Variants in PIERCE2 observed in about 807,000 individuals in gnomAD.
The protein encoded by PIERCE2 is piercer of microtubule wall 2 protein.
the PIERCE2 span, among the ~76,000 whole-genome samples, chr15:55,415,936 C>G: frequency 6.6e-6 from 1 of 152,120 alleles, no homozygotes; most frequent in Admixed American, 6.6e-5. Flanking sequence ...TAACTTCCAT[C>G]TAAATCAGTA....
the PIERCE2 span, among the ~76,000 whole-genome samples, chr15:55,412,334 C>T: frequency 8.5e-5 from 13 of 152,182 alleles, no homozygotes; most frequent in Non-Finnish European, 1.0e-4. Context: ...TTATGATTCT[C>T]ATTAAAATAA....
the PIERCE2 span, among the ~76,000 whole-genome samples, chr15:55,412,743 A>C: frequency 1.3e-5 from 2 of 152,108 alleles, no homozygotes; most frequent in Non-Finnish European, 2.9e-5. Context: ...CAGCCAGTGC[A>C]CTCCAGCCTG....
the PIERCE2 span, among the ~76,000 whole-genome samples, chr15:55,414,199 G>GT: frequency 7.3e-5 from 3 of 40,878 alleles, no homozygotes; most frequent in African/African-American, 2.1e-4. Context: ...GCCAGGCCTG[G>GT]TTTTTTTTTG....
At chr15:55,417,180 T>A in the PIERCE2 span, among the ~76,000 whole-genome samples, 1 of 152,168 alleles carries the variant, frequency 6.6e-6, no homozygotes, top group African/African-American at 2.4e-5. Context: ...GCTTTTACAA[T>A]AAAGATTCAG....
At chr15:55,416,418 T>C in the PIERCE2 span, among the ~76,000 whole-genome samples, 1 of 151,998 alleles carries the variant, frequency 6.6e-6, no homozygotes, top group East Asian at 2.0e-4. Flanking sequence ...GTTATATTAA[T>C]TTATCAAGCC....
At chr15:55,414,887 A>C in the PIERCE2 span, among the ~76,000 whole-genome samples, 2 of 152,094 alleles carry the variant, frequency 1.3e-5, no homozygotes, top group African/African-American at 2.4e-5. Context: ...CAAAAAAAAG[A>C]AAAACAAAAC....
At chr15:55,416,248 CAT>C in the PIERCE2 span, among the ~76,000 whole-genome samples, 1 of 151,936 alleles carries the variant, frequency 6.6e-6, no homozygotes, top group Non-Finnish European at 1.5e-5. Context: ...ACTACAGGCA[CAT>C]CCCACCACAA....
At chr15:55,408,859 C>T in the PIERCE2 span, 1 of 1,075,366 alleles carries the variant, frequency 9.3e-7, no homozygotes. Flanking sequence ...ACCACCTACT[C>T]CTACCACCCC....
chr15:55,409,035 TG>T, the PIERCE2 span, among the ~76,000 whole-genome samples: 3,185 of 152,294 alleles, frequency 0.021, 98 homozygotes, highest in African/African-American at 0.069. Flanking sequence ...GTGATGGTTT[TG>T]AACAAGAAAA....
chr15:55,409,369 A>C, the PIERCE2 span, among the ~76,000 whole-genome samples: 1 of 152,032 alleles, frequency 6.6e-6, no homozygotes, highest in East Asian at 1.9e-4. Context: ...TGCGCCACTG[A>C]ACTGCAGCCT....
chr15:55,409,356 G>A, the PIERCE2 span, among the ~76,000 whole-genome samples: 1 of 151,848 alleles, frequency 6.6e-6, no homozygotes, highest in Non-Finnish European at 1.5e-5. Context: ...AGTGAGCCGA[G>A]ATTGCGCCAC....
the PIERCE2 span, chr15:55,408,677 A>G: frequency 3.8e-6 from 3 of 794,662 alleles, no homozygotes; most frequent in Non-Finnish European, 6.2e-6. Context: ...GGGTGCGGTT[A>G]AAAGGCCACG....
At chr15:55,417,813 G>C in the PIERCE2 span, 2 of 239,138 alleles carry the variant, frequency 8.4e-6, no homozygotes, top group African/African-American at 4.6e-5. Flanking sequence ...AGTCCGAAAA[G>C]ACAGTCAGCG....
At chr15:55,410,213 A>G in the PIERCE2 span, among the ~76,000 whole-genome samples, 1 of 152,176 alleles carries the variant, frequency 6.6e-6, no homozygotes, top group Admixed American at 6.5e-5. Flanking sequence ...TTATGGTACT[A>G]ATTATGCCAA....
At chr15:55,410,373 T>G in the PIERCE2 span, among the ~76,000 whole-genome samples, 1 of 152,180 alleles carries the variant, frequency 6.6e-6, no homozygotes, top group Admixed American at 6.5e-5. Context: ...CGGTGGCTCA[T>G]GCCTATAATT....
At chr15:55,418,755 G>A in the PIERCE2 span, 1 of 492,780 alleles carries the variant, frequency 2.0e-6, no homozygotes, top group African/African-American at 2.0e-5. Context: ...GTTCAAAATA[G>A]CAAAATAAAA....
the PIERCE2 span, among the ~76,000 whole-genome samples, chr15:55,415,827 T>C: frequency 4.6e-5 from 7 of 152,166 alleles, no homozygotes; most frequent in Admixed American, 6.5e-5. Flanking sequence ...CCTTTTAGTT[T>C]TTACCTCTTC....
chr15:55,411,664 G>T, the PIERCE2 span, among the ~76,000 whole-genome samples: 1 of 152,042 alleles, frequency 6.6e-6, no homozygotes, highest in Admixed American at 6.6e-5. Flanking sequence ...GCTCACGCTT[G>T]TAATTCCAGC....
the PIERCE2 span, among the ~76,000 whole-genome samples, chr15:55,410,153 A>C: frequency 1.3e-5 from 2 of 152,168 alleles, no homozygotes; most frequent in African/African-American, 4.8e-5. Context: ...TTTGTGAATT[A>C]TCCTGGAAAT....
Sources: allele counts gnomAD v4.1 joint callset (sites outside exome capture counted in the v4.1 genomes callset), GRCh38; gene constraint gnomAD v4.1.1; transcripts MANE v1.5; gene names NCBI Gene and HGNC (gene_info 2026-07-23, HGNC 2026-07-21).